Variants in FANCM observed in about 807,000 individuals in gnomAD.
The protein encoded by FANCM is Fanconi anemia group M protein.
In FANCM, 140 loss-of-function variants were observed where a neutral mutation model predicts 199.5. The ratio of observed to expected loss-of-function variants is 0.70; its 90% CI spans 0.61 to 0.81. The LOEUF (loss-of-function observed/expected upper bound fraction) is 0.81, where lower values mean the gene tolerates loss of function less well. Among genes scored for constraint, FANCM ranks in the 30% least tolerant of loss-of-function variants. The pLI is 0.00. For synonymous variants in FANCM, 840 were observed against 836.8 expected (o/e 1.00, Z -0.07); for missense variants, 2,410 against 2,421.4 (o/e 1.00, Z 0.10).
rs143609316 is a variant in FANCM at position 45,161,768 on chromosome 14, C to G, written c.1581+2488C>G. On this transcript the variant is annotated intron_variant, in intron 9 of 22. Transcript: ENST00000267430. ...CTTCAGCCTGGGCAACACAGTGAGA[C>G]CCTGTCTCAAAAAAAGAAAAAAAAA... 4.6e-5 allele frequency among the ~76,000 whole-genome samples: 7 copies of G among 151,982 alleles called. No individual in the cohort carries two copies. In the East Asian group the frequency reaches 1.4e-3, roughly 29 times the overall value.
At chr14:45,167,820 G>A (rs1888089860) in intron 11 of FANCM, among the ~76,000 whole-genome samples, 1 of 152,052 alleles carries the variant, frequency 6.6e-6, no homozygotes, top group African/African-American at 2.4e-5. Context: ...AGGAACCTTG[G>A]GAGTCATGTG....
At chr14:45,161,990 G>C (rs1887638509) in intron 9 of FANCM, among the ~76,000 whole-genome samples, 1 of 152,188 alleles carries the variant, frequency 6.6e-6, no homozygotes, top group Non-Finnish European at 1.5e-5. Flanking sequence ...TGACAAATTA[G>C]AGTGGGATAT....
chr14:45,174,638 CA>C (rs1888547948), intron 13 of FANCM, among the ~76,000 whole-genome samples: 1 of 151,936 alleles, frequency 6.6e-6, no homozygotes, highest in Middle Eastern at 3.2e-3. Context: ...TTGGACATTC[CA>C]AAAGCTATTC....
chr14:45,182,301 T>C (rs538617829), intron 16 of FANCM, among the ~76,000 whole-genome samples: 1 of 152,338 alleles, frequency 6.6e-6, no homozygotes, highest in East Asian at 1.9e-4. Context: ...GGCATCTCTA[T>C]GTTATTAGAT....
At chr14:45,190,869 A>G (rs1252828367) in intron 20 of FANCM, among the ~76,000 whole-genome samples, 1 of 152,146 alleles carries the variant, frequency 6.6e-6, no homozygotes, top group East Asian at 1.9e-4. Flanking sequence ...TAGAGATTAA[A>G]ATCCCAAGAT....
intron 11 of FANCM, 97 bp from the exon 12 acceptor site, chr14:45,170,492 C>G: frequency 5.8e-6 from 5 of 864,852 alleles, no homozygotes; most frequent in Non-Finnish European, 9.3e-6. Flanking sequence ...TGCTGTTGCA[C>G]TCCAACCTGG....
In FANCM at chr14:45,148,302, G is replaced by A. The variant is rs550815562; in HGVS notation, c.760-535G>A. Among the ~76,000 whole-genome samples, 18 of 147,944 alleles carry A rather than the reference G, an allele frequency of 1.2e-4. 1 individual carries two copies. In the East Asian group the frequency reaches 2.4e-3, roughly 19 times the overall value. The stretch of plus-strand genomic sequence containing the variant: ...TTTTTTTTCTTTTTAATTGTTAATC[G>A]CACTGTCAGTACCATAGTCTCCTGC... On this transcript the variant is annotated intron_variant, in intron 3 of 22. Transcript: ENST00000267430.
chr14:45,176,904 T>C lies in FANCM; in HGVS notation c.4150T>C (p.Ser1384Pro), dbSNP rs768142748. The C allele has an allele frequency of 6.2e-7, 1 of 1,611,886 alleles. No individual in the cohort carries two copies. Among genetic ancestry groups the C allele is most frequent in the Non-Finnish European group, 8.5e-7 (1 of 1,178,408 alleles). The change falls in exon 14 of 23, where the codon TCA becomes CCA. Residue 1384 changes from serine (S) to proline (P), a missense_variant. Coordinates refer to ENST00000267430, the MANE Select transcript of FANCM (RefSeq NM_020937.4). ...KEALNSTFDY[S>P]EFSLEKSKSS... ...AGCATTGAATTCAACTTTTGATTAT[T>C]CAGAATTTTCTCTAGAAAAGTCTAA...
chr14:45,164,682 A>C (rs775850527), intron 10 of FANCM, 117 bp downstream of exon 10: 10 of 799,828 alleles, frequency 1.3e-5, no homozygotes, highest in South Asian at 6.7e-5. Flanking sequence ...GTTTTGGTTT[A>C]TTTTCCCCCA....
chr14:45,183,759 G>A lies in FANCM; in HGVS notation c.4387-15G>A. 1 of 1,596,568 alleles carries A rather than the reference G, an allele frequency of 6.3e-7. No individual in the cohort carries two copies. Among genetic ancestry groups the A allele is most frequent in the Non-Finnish European group, 8.6e-7 (1 of 1,166,000 alleles). ...TATTTTTTTCTTATGCAAGAATTTT[G>A]TCGAATTATTATAGTCAGAATTATC... is the stretch of plus-strand genomic sequence containing the variant. On this transcript the variant is annotated splice_polypyrimidine_tract_variant and intron_variant, in intron 16 of 22. Transcript: ENST00000267430.
rs1168160316 is a variant in FANCM at position 45,175,589 on chromosome 14, T to C, written c.2835T>C (p.Gly945=). The change falls in exon 14 of 23, where the codon GGT becomes GGC. Residue 945 remains glycine (G), a synonymous_variant. Transcript: ENST00000267430. ...SSLAGNVLDS[G]YNSFNDEKSV... is the part of the protein sequence containing the mutation. ...TTGCTGGAAATGTTTTAGATTCTGG[T>C]TATAACAGTTTCAATGATGAAAAAT... 1.9e-6 allele frequency: 3 copies of C among 1,613,576 alleles called. No homozygotes were observed. Among genetic ancestry groups the C allele is most frequent in the Non-Finnish European group, 2.5e-6 (3 of 1,179,676 alleles).
At chr14:45,148,200 A>AACACACACACACACACACAC (rs200351777) in intron 3 of FANCM, among the ~76,000 whole-genome samples, 22 of 142,430 alleles carry the variant, frequency 1.5e-4, no homozygotes, top group African/African-American at 5.2e-4. Context: ...CCGTCTCAAA[A>AACACACACACACACACACAC]ACACACACAC....
intron 20 of FANCM, among the ~76,000 whole-genome samples, chr14:45,194,693 T>C (rs1036201549): frequency 6.6e-6 from 1 of 152,216 alleles, no homozygotes; most frequent in Non-Finnish European, 1.5e-5. Flanking sequence ...TAAATAGCCA[T>C]GTTTGTATCC....
At chr14:45,163,607 A>G (rs1272387953) in intron 9 of FANCM, among the ~76,000 whole-genome samples, 1 of 152,246 alleles carries the variant, frequency 6.6e-6, no homozygotes, top group Non-Finnish European at 1.5e-5. Flanking sequence ...AAAAGGTAAG[A>G]TATGACTTCT....
In FANCM at chr14:45,167,108, A is replaced by C; in HGVS notation, c.1947A>C (p.Pro649=). The change falls in exon 11 of 23, where the codon CCA becomes CCC. Residue 649 remains proline (P), a synonymous_variant. Transcript: ENST00000267430. ...TCATCACACATGGTGTCTATGAACC[A>C]GAGAAGCCTTCTCGGAACTTGCAGC... is the stretch of plus-strand genomic sequence containing the variant. ...KMFITHGVYE[P]EKPSRNLQRK... is the part of the protein sequence containing the mutation. The C allele has an allele frequency of 6.2e-7, 1 of 1,613,888 alleles. No homozygotes were observed. Among genetic ancestry groups the C allele is most frequent in the Non-Finnish European group, 8.5e-7 (1 of 1,179,772 alleles).
intron 10 of FANCM, among the ~76,000 whole-genome samples, chr14:45,166,209 G>A (rs1405831304): frequency 2.0e-5 from 3 of 151,612 alleles, no homozygotes; most frequent in Admixed American, 6.6e-5. Context: ...TCAGCTCACT[G>A]CAACCTCCAT....
intron 16 of FANCM, among the ~76,000 whole-genome samples, chr14:45,183,503 G>A (rs781166691): frequency 5.3e-5 from 8 of 151,814 alleles, no homozygotes; most frequent in Non-Finnish European, 1.0e-4. Flanking sequence ...AGTGTTTGCA[G>A]AAAAAATAAA....
At position 45,175,311 on chromosome 14, in the gene FANCM, TTAAAGAAAAAAGTGTC is replaced by T. The variant is rs1888596078; in HGVS notation, c.2566_2581del (p.Lys856Ter). ...TATCAAACCTACTAAAATTGTTTCT[TTAAAGAAAAAAGTGTC>T]TAAAGAAATAAAAAAAGATCAGCTT... On this transcript the variant is annotated frameshift_variant, in exon 14 of 23. Transcript: ENST00000267430. LOFTEE classifies it high-confidence loss of function. The T allele has an allele frequency of 6.4e-7, 1 of 1,570,596 alleles. No individual in the cohort carries two copies. The highest frequency in any genetic ancestry group is 2.0e-5 in the Admixed American group (1 of 50,380).
At chr14:45,162,439 A>C (rs1316006580) in intron 9 of FANCM, among the ~76,000 whole-genome samples, 1 of 152,228 alleles carries the variant, frequency 6.6e-6, no homozygotes, top group Non-Finnish European at 1.5e-5. Context: ...TGAACAATAA[A>C]AATGAATTAC....
Sources: allele counts gnomAD v4.1 joint callset (sites outside exome capture counted in the v4.1 genomes callset), GRCh38; gene constraint gnomAD v4.1.1; transcripts MANE v1.5; gene names NCBI Gene and HGNC (gene_info 2026-07-23, HGNC 2026-07-21).